The following GRAMD1C variants were observed in gnomAD, a reference collection of about 807,000 sequenced individuals.
GRAMD1C encodes GRAM domain containing 1C.
Under a neutral mutation model 97.8 loss-of-function variants are expected in GRAMD1C, and 89 were observed. That is an observed-to-expected ratio of 0.91 (90% CI 0.77 to 1.09). GRAMD1C has a LOEUF of 1.09. Among genes scored for constraint, GRAMD1C ranks in the 50% least tolerant of loss-of-function variants. The pLI is 0.00. For missense variants in GRAMD1C, 740 were observed against 766.4 expected (o/e 0.97, Z 0.41); for synonymous variants, 256 against 267.0 (o/e 0.96, Z 0.40).
At chr3:113,866,582 G>A (rs1037268093) in intron 2 of GRAMD1C, among the ~76,000 whole-genome samples, 1 of 152,052 alleles carries the variant, frequency 6.6e-6, no homozygotes, top group South Asian at 2.1e-4. Flanking sequence ...TGTTCCATAT[G>A]TTTTATACCT....
intron 7 of GRAMD1C, among the ~76,000 whole-genome samples, chr3:113,901,408 A>T (rs763606313): frequency 5.3e-5 from 8 of 152,208 alleles, no homozygotes; most frequent in Non-Finnish European, 1.2e-4. Flanking sequence ...CTGTTTATTA[A>T]GGATCTGGAG....
intron 10 of GRAMD1C, among the ~76,000 whole-genome samples, chr3:113,917,521 C>T (rs1315745374): frequency 7.9e-5 from 12 of 151,474 alleles, no homozygotes; most frequent in African/African-American, 1.9e-4. Flanking sequence ...AGGGGTTTGC[C>T]GTGTTGGCCA....
At chr3:113,907,400 C>A (rs145198464) in intron 8 of GRAMD1C, among the ~76,000 whole-genome samples, 1 of 152,198 alleles carries the variant, frequency 6.6e-6, no homozygotes, top group Non-Finnish European at 1.5e-5. Flanking sequence ...TGACTTACTA[C>A]TGGTGCAAGG....
At chr3:113,863,500 T>C (rs1934475237) in intron 2 of GRAMD1C, among the ~76,000 whole-genome samples, 1 of 152,110 alleles carries the variant, frequency 6.6e-6, no homozygotes, top group South Asian at 2.1e-4. Context: ...TGCTAATGGG[T>C]ATAGGATTTC....
At chr3:113,847,648 A>C (rs1933672107) in intron 2 of GRAMD1C, among the ~76,000 whole-genome samples, 1 of 152,232 alleles carries the variant, frequency 6.6e-6, no homozygotes, top group South Asian at 2.1e-4. Context: ...TTGAAGAAAA[A>C]CAAATATGAT....
chr3:113,901,322 G>A (rs1302390701), intron 7 of GRAMD1C, among the ~76,000 whole-genome samples, 176 bp downstream of exon 7: 1 of 152,104 alleles, frequency 6.6e-6, no homozygotes, highest in Non-Finnish European at 1.5e-5. Flanking sequence ...TGCTAAATAG[G>A]TAAGCACATA....
chr3:113,851,833 G>A (rs1307339368), intron 2 of GRAMD1C, among the ~76,000 whole-genome samples: 1 of 151,614 alleles, frequency 6.6e-6, no homozygotes, highest in Non-Finnish European at 1.5e-5. Context: ...TTCTTTAACT[G>A]TGCAAAAAAT....
chr3:113,831,026 T>G (rs1709550761), intron 1 of GRAMD1C, among the ~76,000 whole-genome samples: 1 of 152,076 alleles, frequency 6.6e-6, no homozygotes, highest in Non-Finnish European at 1.5e-5. Flanking sequence ...GAGGCAGAGG[T>G]TGCAGTGAGC....
At chr3:113,842,857 G>A (rs1933406275) in intron 1 of GRAMD1C, among the ~76,000 whole-genome samples, 1 of 151,758 alleles carries the variant, frequency 6.6e-6, no homozygotes, top group Non-Finnish European at 1.5e-5. Context: ...CAGCTACTCG[G>A]GAGACTGAGG....
chr3:113,942,152 G>C (rs780215154), intron 17 of GRAMD1C, among the ~76,000 whole-genome samples: 4 of 151,690 alleles, frequency 2.6e-5, no homozygotes, highest in Non-Finnish European at 5.9e-5. Context: ...GGGCTCAGCA[G>C]ATCTACCTGC....
upstream of GRAMD1C, among the ~76,000 whole-genome samples, chr3:113,834,964 A>C (rs1035331657): frequency 2.0e-5 from 3 of 148,358 alleles, no homozygotes; most frequent in Non-Finnish European, 4.5e-5. Context: ...AAAGACACTG[A>C]TATTTCCTTT....
chr3:113,923,399 G>C (rs1255513576), intron 10 of GRAMD1C, among the ~76,000 whole-genome samples: 9 of 152,060 alleles, frequency 5.9e-5, no homozygotes, highest in African/African-American at 1.4e-4. Flanking sequence ...TGTTGGCTGT[G>C]CGGTTTGTCA....
chr3:113,886,800 T>A (rs1935504206), intron 6 of GRAMD1C, among the ~76,000 whole-genome samples: 1 of 93,472 alleles, frequency 1.1e-5, no homozygotes, highest in African/African-American at 3.7e-5. Flanking sequence ...TTTTTTTTTT[T>A]GAGATGGAGT....
chr3:113,935,443 T>C (rs775950478), intron 13 of GRAMD1C, among the ~76,000 whole-genome samples: 52 of 151,960 alleles, frequency 3.4e-4, no homozygotes, highest in Non-Finnish European at 6.5e-4. Flanking sequence ...GGGAAAACGA[T>C]ACGGTGGTTC....
At chr3:113,887,792 T>C (rs1370101556) in intron 6 of GRAMD1C, among the ~76,000 whole-genome samples, 1 of 151,270 alleles carries the variant, frequency 6.6e-6, no homozygotes, top group Non-Finnish European at 1.5e-5. Flanking sequence ...TTGTAAAATT[T>C]AGGACTGAAA....
chr3:113,943,908 C>T (rs918196685), intron 17 of GRAMD1C, among the ~76,000 whole-genome samples: 4 of 152,024 alleles, frequency 2.6e-5, no homozygotes, highest in Non-Finnish European at 5.9e-5. Context: ...AGCGAGACTC[C>T]GTCTCCAAAA....
intron 17 of GRAMD1C, among the ~76,000 whole-genome samples, chr3:113,943,762 A>C (rs1476658106): frequency 6.6e-6 from 1 of 152,012 alleles, no homozygotes; most frequent in East Asian, 1.9e-4. Context: ...AAAATACAAA[A>C]AATTAGCCAG....
chr3:113,886,143 G>T (rs989406841), intron 6 of GRAMD1C: 30 of 1,466,872 alleles, frequency 2.0e-5, no homozygotes, highest in Non-Finnish European at 2.7e-5. Flanking sequence ...CCTGGGCAGG[G>T]TCTGCCCCTC....
chr3:113,890,381 G>A lies in GRAMD1C; in HGVS notation c.540+7549G>A, dbSNP rs531346276. On this transcript the variant is annotated intron_variant, in intron 6 of 17. Coordinates refer to ENST00000358160, the MANE Select transcript of GRAMD1C (RefSeq NM_017577.5). ...GGTGATGCTCACAGGGCAGGTCCAC[G>A]GGCAGCAGGTCCTGCAGTGCATGTC... is the stretch of plus-strand genomic sequence containing the variant. Among the ~76,000 whole-genome samples, 5 of 152,314 alleles carry A rather than the reference G, an allele frequency of 3.3e-5. No individual in the cohort carries two copies. In the South Asian group the frequency reaches 6.2e-4, roughly 19 times the overall value.
Sources: gnomAD v4.1 joint callset for allele counts (sites outside exome capture counted in the v4.1 genomes callset) on GRCh38, gnomAD v4.1.1 for gene constraint, MANE v1.5 for transcripts, NCBI Gene and HGNC (gene_info 2026-07-23, HGNC 2026-07-21) for gene names.